FAM107B: variants seen among roughly 807,000 people sequenced by gnomAD.
FAM107B encodes protein FAM107B.
FAM107B carries 21 observed loss-of-function variants against 31.5 expected under a neutral mutation model. That is an observed-to-expected ratio of 0.67 (90% CI 0.47 to 0.96). The LOEUF is 0.96. FAM107B is among the 40% of genes least tolerant of loss of function. The probability of loss-of-function intolerance (pLI) is 0.00; values close to 1 mark genes in which losing one functional copy is unlikely to be tolerated. For missense variants in FAM107B, 452 were observed against 377.1 expected (o/e 1.20, Z -1.64); for synonymous variants, 157 against 141.5 (o/e 1.11, Z -0.78).
At chr10:14,559,861 G>A (rs1313467741) in intron 2 of FAM107B, among the ~76,000 whole-genome samples, 2 of 151,940 alleles carry the variant, frequency 1.3e-5, no homozygotes, top group South Asian at 4.2e-4. Flanking sequence ...GAGCCACCGC[G>A]CCCGGCCTCT....
At chr10:14,537,759 C>G (rs1470067188) in intron 2 of FAM107B, among the ~76,000 whole-genome samples, 1 of 149,422 alleles carries the variant, frequency 6.7e-6, no homozygotes, top group Non-Finnish European at 1.5e-5. Context: ...AGCTTGAACC[C>G]AGGAGGCGGA....
At chr10:14,767,795 A>G (rs535863385) in intron 1 of FAM107B, among the ~76,000 whole-genome samples, 143 of 152,338 alleles carry the variant, frequency 9.4e-4, no homozygotes, top group African/African-American at 3.2e-3. Context: ...CTTCTATTCA[A>G]TGCAGTATTG....
chr10:14,643,846 C>T (rs1853689867), intron 2 of FAM107B, among the ~76,000 whole-genome samples: 1 of 152,216 alleles, frequency 6.6e-6, no homozygotes, highest in Non-Finnish European at 1.5e-5. Flanking sequence ...TAAAACTAAT[C>T]ATCGCACAGA....
chr10:14,519,725 A>G lies in FAM107B; in HGVS notation c.*1465T>C, dbSNP rs1295007337. The stretch of plus-strand genomic sequence containing the variant: ...AAGCTAATTTCTACTGTGCTAATTA[A>G]GGATTCAAAAGCTCTAGATCCAGCT... On this transcript the variant is annotated 3_prime_UTR_variant, in exon 5 of 5. Transcript: ENST00000181796. 1 of 152,236 alleles carries G rather than the reference A, an allele frequency of 6.6e-6. No individual in the cohort carries two copies. The highest frequency in any genetic ancestry group is 1.5e-5 in the Non-Finnish European group (1 of 68,040). 9.4% of individuals were successfully genotyped at this position (152,236 alleles called of 1,614,324 possible). A position where few individuals can be genotyped will look rare whatever the true frequency, so the allele number is the denominator to read the frequency against.
At chr10:14,723,697 C>T in intron 1 of FAM107B, 1 of 755,086 alleles carries the variant, frequency 1.3e-6, no homozygotes, top group South Asian at 1.3e-5. Flanking sequence ...CACAAGAAGT[C>T]ATGGCTCCCA....
At chr10:14,583,687 T>C (rs1851730850) in intron 2 of FAM107B, among the ~76,000 whole-genome samples, 1 of 151,856 alleles carries the variant, frequency 6.6e-6, no homozygotes, top group Non-Finnish European at 1.5e-5. Flanking sequence ...GGCACGTCCT[T>C]GCCAACACCT....
intron 2 of FAM107B, among the ~76,000 whole-genome samples, chr10:14,644,687 AT>A (rs1853709314): frequency 6.6e-6 from 1 of 152,244 alleles, no homozygotes; most frequent in Admixed American, 6.5e-5. Flanking sequence ...ATGGCAAGGC[AT>A]TTTAATGGCA....
intron 2 of FAM107B, among the ~76,000 whole-genome samples, chr10:14,636,698 G>T (rs530855359): frequency 3.3e-5 from 5 of 152,230 alleles, no homozygotes; most frequent in African/African-American, 4.8e-5. Flanking sequence ...TGAATTTTAG[G>T]GGGGGTGGGG....
intron 2 of FAM107B, among the ~76,000 whole-genome samples, chr10:14,603,809 G>T (rs143537075): frequency 6.6e-6 from 1 of 151,938 alleles, no homozygotes; most frequent in African/African-American, 2.4e-5. Context: ...CTGCCTGGCG[G>T]GGGCTGGCGT....
intron 2 of FAM107B, among the ~76,000 whole-genome samples, chr10:14,596,644 C>T (rs1474206604): frequency 6.6e-6 from 1 of 152,176 alleles, no homozygotes; most frequent in Non-Finnish European, 1.5e-5. Context: ...TCAAACTCTA[C>T]GTCTGATGTC....
At chr10:14,550,266 T>C (rs1357454762) in intron 2 of FAM107B, among the ~76,000 whole-genome samples, 2 of 152,172 alleles carry the variant, frequency 1.3e-5, no homozygotes, top group Non-Finnish European at 2.9e-5. Context: ...TCTCTGTCTG[T>C]CTCTCTCAAA....
intron 1 of FAM107B, among the ~76,000 whole-genome samples, chr10:14,685,853 G>A (rs929599323): frequency 6.6e-6 from 1 of 152,198 alleles, no homozygotes; most frequent in African/African-American, 2.4e-5. Flanking sequence ...TGGACTCACA[G>A]TTCTACATGG....
intron 1 of FAM107B, among the ~76,000 whole-genome samples, chr10:14,692,109 T>G (rs1224838822): frequency 6.6e-6 from 1 of 152,016 alleles, no homozygotes; most frequent in Non-Finnish European, 1.5e-5. Context: ...TCTCTGTTAT[T>G]CCATCCACAC....
intron 1 of FAM107B, 78 bp from the exon 2 acceptor site, chr10:14,667,769 A>G (rs1854443604): frequency 6.8e-7 from 1 of 1,466,298 alleles, no homozygotes; most frequent in Non-Finnish European, 9.5e-7. Flanking sequence ...ACTTTTTGCA[A>G]GCCTACTAAT....
At chr10:14,539,080 TA>T (rs1847920822) in intron 2 of FAM107B, among the ~76,000 whole-genome samples, 1 of 152,222 alleles carries the variant, frequency 6.6e-6, no homozygotes, top group African/African-American at 2.4e-5. Context: ...ACTAATTCAT[TA>T]CTCTAACTCT....
chr10:14,636,911 A>G (rs1257711777), intron 2 of FAM107B, among the ~76,000 whole-genome samples: 2 of 152,080 alleles, frequency 1.3e-5, no homozygotes, highest in Non-Finnish European at 2.9e-5. Context: ...TTGTGGGCAT[A>G]TCTTTCCAAA....
At chr10:14,626,720 G>A (rs1428239677) in intron 2 of FAM107B, among the ~76,000 whole-genome samples, 2 of 152,018 alleles carry the variant, frequency 1.3e-5, no homozygotes, top group Non-Finnish European at 2.9e-5. Flanking sequence ...AGCCAGGATG[G>A]TCTCGATCTC....
intron 2 of FAM107B, among the ~76,000 whole-genome samples, chr10:14,628,566 G>A (rs1324379710): frequency 2.0e-5 from 3 of 152,172 alleles, no homozygotes; most frequent in South Asian, 2.1e-4. Flanking sequence ...TGAAATGAAC[G>A]TGGGATACTG....
chr10:14,752,975 G>C (rs1832859584), intron 1 of FAM107B, among the ~76,000 whole-genome samples: 1 of 151,488 alleles, frequency 6.6e-6, no homozygotes, highest in Non-Finnish European at 1.5e-5. Context: ...CATTCAAATA[G>C]CACATTGTAT....
Sources: gnomAD v4.1 joint callset for allele counts (sites outside exome capture counted in the v4.1 genomes callset) on GRCh38, gnomAD v4.1.1 for gene constraint, MANE v1.5 for transcripts, NCBI Gene and HGNC (gene_info 2026-07-23, HGNC 2026-07-21) for gene names.